The following SPSB1 variants were observed in gnomAD, a reference collection of about 807,000 sequenced individuals.
The protein encoded by SPSB1 is SPRY domain-containing SOCS box protein 1.
A neutral mutation model predicts 21.2 loss-of-function variants in SPSB1; 8 were observed. That is an observed-to-expected ratio of 0.38 (90% CI 0.22 to 0.68). The LOEUF (loss-of-function observed/expected upper bound fraction) is 0.68. Among genes scored for constraint, SPSB1 ranks in the 30% least tolerant of loss-of-function variants. The pLI, the probability that SPSB1 is intolerant of heterozygous loss-of-function variation, is 0.53. For synonymous variants in SPSB1, 169 were observed against 161.7 expected, an observed-to-expected ratio of 1.05 and a Z score of -0.34; for missense variants, 242 against 377.8, an observed-to-expected ratio of 0.64 and a Z score of 2.98.
chr1:9,336,641 C>T (rs552281664), intron 1 of SPSB1, among the ~76,000 whole-genome samples: 35 of 152,308 alleles, frequency 2.3e-4, no homozygotes, highest in Non-Finnish European at 4.1e-4. Flanking sequence ...GGCAGGAGGC[C>T]GCTGCCTGAG....
intron 1 of SPSB1, among the ~76,000 whole-genome samples, chr1:9,338,821 G>A (rs765833107): frequency 4.6e-5 from 7 of 152,180 alleles, no homozygotes; most frequent in African/African-American, 1.4e-4. Flanking sequence ...GGGCGCTCCC[G>A]CCTTGCTCTG....
intron 1 of SPSB1, among the ~76,000 whole-genome samples, chr1:9,353,335 G>T (rs960758754): frequency 1.3e-5 from 2 of 152,088 alleles, no homozygotes; most frequent in African/African-American, 2.4e-5. Flanking sequence ...CTTCCCTCCC[G>T]CAGCTTGAGG....
In SPSB1 at chr1:9,366,158, C is replaced by T. The variant is rs547628289; in HGVS notation, c.695-1290C>T. On this transcript the variant is annotated intron_variant, in intron 2 of 2. Transcript: ENST00000328089. ...CTGGGAGGCTGCAGCTGGAAGCGCT[C>T]TGTAACCCTGGGGCCTGAGGCAGCT... 9.7e-4 allele frequency among the ~76,000 whole-genome samples: 148 copies of T among 152,372 alleles called. 3 individuals are homozygous for T. In the South Asian group the frequency reaches 0.029, roughly 29 times the overall value.
At chr1:9,360,628 G>T (rs964795700) in intron 2 of SPSB1, among the ~76,000 whole-genome samples, 1 of 152,312 alleles carries the variant, frequency 6.6e-6, no homozygotes, top group Middle Eastern at 3.4e-3. Context: ...GTCTGTAGAT[G>T]CCTCCCTGAG....
intron 1 of SPSB1, among the ~76,000 whole-genome samples, chr1:9,309,875 A>C (rs1013871041): frequency 1.3e-5 from 2 of 152,144 alleles, no homozygotes; most frequent in Non-Finnish European, 2.9e-5. Context: ...AGAATAAAAT[A>C]GTGGTAACTG....
intron 1 of SPSB1, among the ~76,000 whole-genome samples, chr1:9,323,413 G>A (rs1303460639): frequency 2.0e-5 from 3 of 152,170 alleles, no homozygotes; most frequent in Admixed American, 2.0e-4. Flanking sequence ...CTCCCTCGCG[G>A]CCCGTTGGCA....
chr1:9,299,975 A>AAG (rs1466938685), intron 1 of SPSB1, among the ~76,000 whole-genome samples: 41 of 151,900 alleles, frequency 2.7e-4, no homozygotes, highest in Admixed American at 1.2e-3. Flanking sequence ...AAAAAAAAAA[A>AAG]AAAAAAAGGG....
At chr1:9,330,658 C>G (rs1044214713) in intron 1 of SPSB1, among the ~76,000 whole-genome samples, 20 of 151,770 alleles carry the variant, frequency 1.3e-4, no homozygotes, top group African/African-American at 4.8e-4. Flanking sequence ...CCTCCTTTTT[C>G]TCTCCCTTCC....
chr1:9,298,414 ATGAATAAGTGAACGAATGAATGAATAAG>A (rs748712979), intron 1 of SPSB1, among the ~76,000 whole-genome samples: 19,790 of 123,160 alleles, frequency 0.16, 1,724 homozygotes, highest in South Asian at 0.24. Context: ...GAACGAATGA[ATGAATAAGTGAACGAATGAATGAATAAG>A]TGAATGAATA....
intron 1 of SPSB1, among the ~76,000 whole-genome samples, chr1:9,298,152 G>A (rs752023338): frequency 6.6e-6 from 1 of 151,608 alleles, no homozygotes; most frequent in Non-Finnish European, 1.5e-5. Context: ...AGTTAATCAT[G>A]GTGTTCCTAG....
chr1:9,340,014 G>C (rs991681224), intron 1 of SPSB1, among the ~76,000 whole-genome samples: 1 of 152,236 alleles, frequency 6.6e-6, no homozygotes, highest in Non-Finnish European at 1.5e-5. Flanking sequence ...AACCACCTGG[G>C]CATGCAGGTC....
At chr1:9,326,818 G>A (rs912122145) in intron 1 of SPSB1, among the ~76,000 whole-genome samples, 2 of 152,186 alleles carry the variant, frequency 1.3e-5, no homozygotes, top group South Asian at 2.1e-4. Flanking sequence ...TGGTTTAATC[G>A]GAAAGGCTTA....
intron 1 of SPSB1, among the ~76,000 whole-genome samples, chr1:9,312,740 TTTA>T (rs528939562): frequency 2.0e-5 from 3 of 152,026 alleles, no homozygotes; most frequent in Non-Finnish European, 4.4e-5. Context: ...TTCTTTGGGT[TTTA>T]TTATTATTAT....
chr1:9,344,457 C>T (rs970102635), intron 1 of SPSB1, among the ~76,000 whole-genome samples: 4 of 152,178 alleles, frequency 2.6e-5, no homozygotes, highest in African/African-American at 9.7e-5. Flanking sequence ...TGGGTCACCC[C>T]TGTGAGTTGT....
At chr1:9,327,014 C>T (rs1420454524) in intron 1 of SPSB1, among the ~76,000 whole-genome samples, 1 of 152,124 alleles carries the variant, frequency 6.6e-6, no homozygotes, top group East Asian at 1.9e-4. Context: ...CTCCTTGCAC[C>T]TGGGGGTCTT....
rs577930393 is a variant in SPSB1 at position 9,324,339 on chromosome 1, G to A, written c.-150+31268G>A. ...ATTAGCTGTTGGTGGTGTGCCATCT[G>A]CGGCTCTGCTCTGGTGAGTTCTGCT... On this transcript the variant is annotated intron_variant, in intron 1 of 2. Transcript: ENST00000328089. The surrounding 1 kb of genome is among the most constrained non-coding windows in gnomAD (Gnocchi z 4.3). 7.2e-5 allele frequency among the ~76,000 whole-genome samples: 11 copies of A among 152,174 alleles called. No homozygotes were observed. Among genetic ancestry groups the A allele is most frequent in the Non-Finnish European group, 1.3e-4 (9 of 68,032 alleles).
rs1366680553 is a variant in SPSB1 at position 9,297,028 on chromosome 1, C to A, written c.-150+3957C>A. ...TTTCTTGGAGATGGGGAAGAGAATC[C>A]GCCAAGGCACAGCCCAGCCTTGCCT... On this transcript the variant is annotated intron_variant, in intron 1 of 2. Coordinates refer to ENST00000328089, the MANE Select transcript of SPSB1 (RefSeq NM_025106.4). Among the ~76,000 whole-genome samples the A allele has an allele frequency of 3.3e-5, 5 of 152,332 alleles. No homozygotes were observed. The East Asian group carries it at 7.7e-4, about 23-fold the overall frequency.
rs146462573 is a variant in SPSB1 at position 9,310,164 on chromosome 1, A to G, written c.-150+17093A>G. On this transcript the variant is annotated intron_variant, in intron 1 of 2. Coordinates refer to ENST00000328089, the MANE Select transcript of SPSB1 (RefSeq NM_025106.4). ...CCTCTGCACCTGCCGTGGGAAGGCC[A>G]CAGAGTCTAGGGGCCATCTGTGATG... 9.3e-3 allele frequency among the ~76,000 whole-genome samples: 1,387 copies of G among 148,520 alleles called. 38 individuals carry two copies. Among genetic ancestry groups the G allele is most frequent in the African/African-American group, 0.033 (1,276 of 38,122 alleles).
chr1:9,298,370 ATGAATGAATGAATGAG>A (rs1272712712), intron 1 of SPSB1, among the ~76,000 whole-genome samples: 45 of 120,602 alleles, frequency 3.7e-4, no homozygotes, highest in Middle Eastern at 8.0e-3. Flanking sequence ...CTAAGCCCCC[ATGAATGAATGAATGAG>A]TGAATGAATG....
Sources: allele counts gnomAD v4.1 joint callset (sites outside exome capture counted in the v4.1 genomes callset), GRCh38; gene constraint gnomAD v4.1.1; non-coding constraint Gnocchi (gnomAD v3.1); transcripts MANE v1.5; gene names NCBI Gene and HGNC (gene_info 2026-07-23, HGNC 2026-07-21).